The following KSR2 variants were observed in gnomAD, a reference collection of about 807,000 sequenced individuals.
KSR2 encodes kinase suppressor of ras 2.
In KSR2, 25 loss-of-function variants were observed where a neutral mutation model predicts 107.8. The observed-to-expected ratio is 0.23, with a 90% CI of 0.17 to 0.32. The LOEUF (loss-of-function observed/expected upper bound fraction) is 0.32. Ranked by LOEUF, KSR2 falls within the 10% of genes least tolerant of loss-of-function variation. The pLI, the probability that KSR2 is intolerant of heterozygous loss-of-function variation, is 1.00. For synonymous variants in KSR2, 480 were observed against 507.0 expected, an observed-to-expected ratio of 0.95 and a Z score of 0.71; for missense variants, 887 against 1,268.9, an observed-to-expected ratio of 0.70 and a Z score of 4.57.
intron 14 of KSR2, among the ~76,000 whole-genome samples, chr12:117,491,494 T>C (rs961804861): frequency 2.6e-5 from 4 of 152,236 alleles, no homozygotes; most frequent in Non-Finnish European, 5.9e-5. Context: ...TTTGTCTTTT[T>C]ATGCCTGCCT....
At chr12:117,527,722 T>C (rs1317683848) in intron 12 of KSR2, among the ~76,000 whole-genome samples, 1 of 152,216 alleles carries the variant, frequency 6.6e-6, no homozygotes, top group Non-Finnish European at 1.5e-5. Context: ...ATTGTGTTCC[T>C]ACTGAAGGAA....
intron 1 of KSR2, among the ~76,000 whole-genome samples, chr12:117,870,774 A>C (rs1406192631): frequency 6.6e-6 from 1 of 152,152 alleles, no homozygotes; most frequent in African/African-American, 2.4e-5. Flanking sequence ...ATTATGATAC[A>C]TTAGAAATGG....
chr12:117,817,504 G>A (rs957186703), intron 3 of KSR2, among the ~76,000 whole-genome samples: 9 of 152,150 alleles, frequency 5.9e-5, no homozygotes, highest in African/African-American at 2.2e-4. Flanking sequence ...CACACATTTC[G>A]GCTGGTAACA....
intron 1 of KSR2, among the ~76,000 whole-genome samples, chr12:117,915,940 A>G (rs982248901): frequency 6.6e-6 from 1 of 151,920 alleles, no homozygotes; most frequent in African/African-American, 2.4e-5. Context: ...GAAATTTTTC[A>G]TTTTTCCAAC....
intron 4 of KSR2, among the ~76,000 whole-genome samples, chr12:117,754,205 A>G (rs1408450062): frequency 6.6e-6 from 1 of 152,096 alleles, no homozygotes; most frequent in Non-Finnish European, 1.5e-5. Flanking sequence ...TATGGCCAGT[A>G]TATTCTTGTT....
At chr12:117,503,526 A>T (rs1873505903) in intron 14 of KSR2, among the ~76,000 whole-genome samples, 1 of 152,190 alleles carries the variant, frequency 6.6e-6, no homozygotes, top group Admixed American at 6.5e-5. Flanking sequence ...TGATATGCAG[A>T]CCCACTAGAT....
chr12:117,875,398 C>T (rs991269979), intron 1 of KSR2, among the ~76,000 whole-genome samples: 1 of 150,518 alleles, frequency 6.6e-6, no homozygotes, highest in African/African-American at 2.5e-5. Flanking sequence ...ATGCAGGACA[C>T]CATGGGGGCC....
chr12:117,931,847 G>A (rs1427046994), intron 1 of KSR2, among the ~76,000 whole-genome samples: 1 of 152,196 alleles, frequency 6.6e-6, no homozygotes, highest in Non-Finnish European at 1.5e-5. Flanking sequence ...AGGACACTGA[G>A]CTGAGCATTT....
chr12:117,481,351 T>G (rs1403459312), intron 16 of KSR2, among the ~76,000 whole-genome samples: 3 of 152,008 alleles, frequency 2.0e-5, no homozygotes, highest in Non-Finnish European at 4.4e-5. Context: ...GGGAGGTGAT[T>G]AAGGTTAAAT....
chr12:117,760,995 C>A lies in KSR2; in HGVS notation c.986+16G>T. 1 of 1,612,790 alleles carries A rather than the reference C, an allele frequency of 6.2e-7. No homozygotes were observed. The highest frequency in any genetic ancestry group is 8.5e-7 in the Non-Finnish European group (1 of 1,179,586). On this transcript the variant is annotated intron_variant, in intron 4 of 19. Coordinates refer to ENST00000339824, the MANE Select transcript of KSR2 (RefSeq NM_173598.6). ...CGGGTTTCGACCGCCCCAGGGCACCCACCGATCGCACTCACTTGGGCGTGT... is the reference window on the plus strand; with the variant it reads ...CGGGTTTCGACCGCCCCAGGGCACCAACCGATCGCACTCACTTGGGCGTGT...
intron 7 of KSR2, among the ~76,000 whole-genome samples, chr12:117,577,506 T>C (rs1236954034): frequency 6.6e-6 from 1 of 152,184 alleles, no homozygotes; most frequent in Admixed American, 6.5e-5. Context: ...AAGATTATTA[T>C]ATTAGTCTGT....
Position 117,467,097 on chromosome 12 carries a change from T to C in KSR2, c.*102A>G. The C allele has an allele frequency of 3.7e-6, 2 of 540,802 alleles. No homozygotes were observed. The highest frequency in any genetic ancestry group is 6.7e-6 in the Non-Finnish European group (2 of 297,994). 33.5% of individuals were successfully genotyped at this position (540,802 alleles called of 1,614,324 possible). On this transcript the variant is annotated 3_prime_UTR_variant, in exon 20 of 20. Coordinates refer to ENST00000339824, the MANE Select transcript of KSR2 (RefSeq NM_173598.6). Reference sequence around the variant, plus strand: ...CCCAGGTCGGTCGGGGTTGGTACCCTCTGATGCTGAGTCTCTGGCCTCCTG... The same window carrying C: ...CCCAGGTCGGTCGGGGTTGGTACCCCCTGATGCTGAGTCTCTGGCCTCCTG...
At chr12:117,575,296 G>A (rs1019212619) in intron 7 of KSR2, among the ~76,000 whole-genome samples, 18 of 152,250 alleles carry the variant, frequency 1.2e-4, no homozygotes, top group South Asian at 1.0e-3. Context: ...GTGAACAAAC[G>A]GTTCCGCTCA....
intron 11 of KSR2, 126 bp from the exon 12 acceptor site, chr12:117,531,139 C>A: frequency 1.3e-6 from 1 of 753,546 alleles, no homozygotes. Context: ...CTTGGCCAAT[C>A]TCCTTTCTCC....
intron 4 of KSR2, among the ~76,000 whole-genome samples, chr12:117,742,148 A>G (rs750786644): frequency 7.9e-5 from 12 of 152,162 alleles, no homozygotes; most frequent in Non-Finnish European, 1.5e-5. Flanking sequence ...ATCTAATCAT[A>G]AGGAAAAAAA....
chr12:117,828,461 C>T lies in KSR2; in HGVS notation c.472+26967G>A, dbSNP rs116794164. Among the ~76,000 whole-genome samples, 575 of 152,266 alleles carry T rather than the reference C, an allele frequency of 3.8e-3. 2 individuals are homozygous for T. The highest frequency in any genetic ancestry group is 0.013 in the African/African-American group (558 of 41,540). ...GCTACCAAACCATTTTTATTGAGTG[C>T]TTACTGTATATCAAGTATTTGCTTT... On this transcript the variant is annotated intron_variant, in intron 3 of 19. Coordinates refer to ENST00000339824, the MANE Select transcript of KSR2 (RefSeq NM_173598.6).
chr12:117,921,616 G>A (rs746624715), intron 1 of KSR2, among the ~76,000 whole-genome samples: 4 of 152,116 alleles, frequency 2.6e-5, no homozygotes, highest in South Asian at 2.1e-4. Flanking sequence ...GTTACTTCAC[G>A]TCTCTGAATG....
intron 5 of KSR2, among the ~76,000 whole-genome samples, chr12:117,595,455 C>T (rs546211249): frequency 6.2e-5 from 9 of 144,724 alleles, no homozygotes; most frequent in Non-Finnish European, 1.0e-4. Context: ...AGCTCCGCTT[C>T]CCGGGTTCAC....
rs1406992372 is a variant in KSR2 at position 117,968,117 on chromosome 12, T to C, written c.139A>G (p.Thr47Ala). The change falls in exon 1 of 20, where the codon ACC becomes GCC. Residue 47 changes from threonine to alanine, a missense_variant. Thr to Ala is a moderately conservative substitution (Grantham distance 58). Around this residue, in one of 8 missense-constraint regions of KSR2, gnomAD observed 21 missense variants for 57.8 expected, o/e 0.36. Transcript: ENST00000339824. ...TCTTTTTGTGTGAGGTCGTTGGAGG[T>C]AGCACATTTGGTCCTAAGCCCTTCC... is the stretch of plus-strand genomic sequence containing the variant. Reference protein sequence around the residue: ...NLEGLRTKCATSNDLTQKEIR... With the variant: ...NLEGLRTKCAASNDLTQKEIR... 3 of 1,600,776 alleles carry C rather than the reference T, an allele frequency of 1.9e-6. No individual in the cohort carries two copies. The highest frequency in any genetic ancestry group is 2.5e-6 in the Non-Finnish European group (3 of 1,176,740).
Sources: allele counts gnomAD v4.1 joint callset (sites outside exome capture counted in the v4.1 genomes callset), GRCh38; gene constraint gnomAD v4.1.1; regional missense constraint gnomAD v4.1.1; transcripts MANE v1.5; gene names NCBI Gene and HGNC (gene_info 2026-07-23, HGNC 2026-07-21).